NTM: variants seen among roughly 807,000 people sequenced by gnomAD.
The protein encoded by NTM is neurotrimin, also known as IgLON family member 2.
NTM carries 13 observed loss-of-function variants against 42.1 expected under a neutral mutation model. The ratio of observed to expected loss-of-function variants is 0.31; its 90% CI spans 0.20 to 0.49. The LOEUF (loss-of-function observed/expected upper bound fraction) is 0.49, where lower values mean the gene tolerates loss of function less well. Ranked by LOEUF, NTM falls within the 20% of genes least tolerant of loss-of-function variation. NTM has a pLI of 0.99. For missense variants in NTM, 373 were observed against 452.8 expected, an observed-to-expected ratio of 0.82 and a Z score of 1.60; for synonymous variants, 187 against 179.2, an observed-to-expected ratio of 1.04 and a Z score of -0.35.
At chr11:131,417,307 A>G (rs1207847639) in intron 1 of NTM, among the ~76,000 whole-genome samples, 1 of 152,184 alleles carries the variant, frequency 6.6e-6, no homozygotes, top group African/African-American at 2.4e-5. Context: ...ATAAAATACC[A>G]TGTTGGACTC....
intron 1 of NTM, among the ~76,000 whole-genome samples, chr11:131,386,370 A>G (rs1943316757): frequency 6.6e-6 from 1 of 152,242 alleles, no homozygotes; most frequent in South Asian, 2.1e-4. Flanking sequence ...AGTTCTGGAA[A>G]TGAATGGCAG....
intron 1 of NTM, among the ~76,000 whole-genome samples, chr11:131,863,213 G>A (rs1455782124): frequency 1.3e-5 from 2 of 152,194 alleles, no homozygotes; most frequent in East Asian, 3.9e-4. Flanking sequence ...GAAGAAAGGG[G>A]GAACTGGTGA....
At chr11:131,654,760 C>CT (rs2066964747) in intron 1 of NTM, among the ~76,000 whole-genome samples, 1 of 152,162 alleles carries the variant, frequency 6.6e-6, no homozygotes, top group Non-Finnish European at 1.5e-5. Context: ...CACCATGTGA[C>CT]ACACCCACTC....
chr11:131,851,040 C>T lies in NTM; in HGVS notation c.83-60524C>T, dbSNP rs936512400. Among the ~76,000 whole-genome samples the T allele has an allele frequency of 2.6e-5, 4 of 152,096 alleles. No individual in the cohort carries two copies. In the South Asian group the frequency reaches 6.2e-4, roughly 24 times the overall value. On this transcript the variant is annotated intron_variant, in intron 1 of 8. Transcript: ENST00000683400. Reference sequence around the variant, plus strand: ...CTGAGCTTGGGCCCTCCTGAGTGTCCACACCAAAGCTGAGTTGAGACTTGC... The same window carrying T: ...CTGAGCTTGGGCCCTCCTGAGTGTCTACACCAAAGCTGAGTTGAGACTTGC...
At chr11:132,055,701 AC>A in intron 2 of NTM, among the ~76,000 whole-genome samples, 1 of 149,142 alleles carries the variant, frequency 6.7e-6, no homozygotes, top group African/African-American at 2.5e-5. Context: ...GAGAGAGAGA[AC>A]CATCAAAGCA....
At chr11:131,716,381 T>C (rs1248312763) in intron 1 of NTM, among the ~76,000 whole-genome samples, 1 of 152,178 alleles carries the variant, frequency 6.6e-6, no homozygotes, top group Non-Finnish European at 1.5e-5. Flanking sequence ...TTCTTTTGAG[T>C]TACTACCTAG....
At chr11:131,952,231 C>A (rs1474074924) in intron 2 of NTM, among the ~76,000 whole-genome samples, 1 of 152,168 alleles carries the variant, frequency 6.6e-6, no homozygotes, top group African/African-American at 2.4e-5. Context: ...ACCCTTCACC[C>A]TTAATCTGAA....
At chr11:131,575,546 G>A (rs1449339425) in intron 1 of NTM, among the ~76,000 whole-genome samples, 1 of 152,154 alleles carries the variant, frequency 6.6e-6, no homozygotes, top group Non-Finnish European at 1.5e-5. Flanking sequence ...AATGAAATTA[G>A]GGTGTTTTCT....
rs187390817 is a variant in NTM, at chr11:131,678,509, G to A, written c.83-233055G>A. Among the ~76,000 whole-genome samples the A allele has an allele frequency of 1.3e-3, 192 of 152,342 alleles. 1 individual carries two copies. Among genetic ancestry groups the A allele is most frequent in the Non-Finnish European group, 2.1e-4 (14 of 68,034 alleles). The stretch of plus-strand genomic sequence containing the variant: ...AGAAAGAGGAGCATTTGAAACAGAT[G>A]CCCTTCCTCCTGTACTCCCTCTCCC... On this transcript the variant is annotated intron_variant, in intron 1 of 8. Coordinates refer to ENST00000683400, the MANE Select transcript of NTM (RefSeq NM_001352005.2).
intron 4 of NTM, among the ~76,000 whole-genome samples, chr11:132,269,139 T>C (rs2093359053): frequency 6.6e-6 from 1 of 152,066 alleles, no homozygotes; most frequent in African/African-American, 2.4e-5. Context: ...AGAAAGGGCA[T>C]GATATTGTTT....
intron 1 of NTM, among the ~76,000 whole-genome samples, chr11:131,560,190 T>C (rs571961071): frequency 2.3e-4 from 35 of 152,262 alleles, no homozygotes; most frequent in Non-Finnish European, 4.9e-4. Context: ...CAGAAGTGAC[T>C]CTCCCTATTC....
intron 1 of NTM, among the ~76,000 whole-genome samples, chr11:131,904,857 G>A (rs769169635): frequency 2.6e-5 from 4 of 152,098 alleles, no homozygotes; most frequent in Non-Finnish European, 4.4e-5. Context: ...GGAGCTGGGG[G>A]GCCACGGCTC....
intron 2 of NTM, among the ~76,000 whole-genome samples, chr11:132,015,488 G>A (rs1164961916): frequency 4.6e-5 from 7 of 151,820 alleles, no homozygotes; most frequent in African/African-American, 1.7e-4. Context: ...TGGGTAGTAT[G>A]GTGGTTTTAA....
At chr11:131,371,081 G>A (rs1941105276) in intron 1 of NTM, 193 bp downstream of exon 1, 1 of 985,236 alleles carries the variant, frequency 1.0e-6, no homozygotes, top group African/African-American at 1.7e-5. Context: ...GGCTGCTACC[G>A]GAATGGGGGA....
intron 2 of NTM, among the ~76,000 whole-genome samples, chr11:132,030,032 T>C (rs2075717347): frequency 6.6e-6 from 1 of 152,186 alleles, no homozygotes; most frequent in Non-Finnish European, 1.5e-5. Context: ...ATATTATTGT[T>C]TTGTCTTATT....
chr11:132,249,844 C>T (rs1379224684), intron 4 of NTM, among the ~76,000 whole-genome samples: 1 of 152,188 alleles, frequency 6.6e-6, no homozygotes, highest in African/African-American at 2.4e-5. Flanking sequence ...CAAGGATGTC[C>T]AAATAATTTT....
chr11:131,585,445 G>A (rs775534634), intron 1 of NTM, among the ~76,000 whole-genome samples: 1 of 152,176 alleles, frequency 6.6e-6, no homozygotes, highest in Non-Finnish European at 1.5e-5. Context: ...GGTTCCTGCA[G>A]GAAAGGAGGG....
chr11:131,753,398 A>C (rs1404626859), intron 1 of NTM, among the ~76,000 whole-genome samples: 40 of 99,232 alleles, frequency 4.0e-4, no homozygotes, highest in Admixed American at 3.3e-3. Flanking sequence ...TGGGTATATA[A>C]CCAAAAGGAC....
chr11:132,229,130 C>T (rs1471223505), intron 4 of NTM, among the ~76,000 whole-genome samples: 1 of 152,192 alleles, frequency 6.6e-6, no homozygotes, highest in East Asian at 1.9e-4. Flanking sequence ...TCCTCTTCAT[C>T]CTCTGCATAG....
Sources: gnomAD v4.1 joint callset for allele counts (sites outside exome capture counted in the v4.1 genomes callset) on GRCh38, gnomAD v4.1.1 for gene constraint, MANE v1.5 for transcripts, NCBI Gene and HGNC (gene_info 2026-07-23, HGNC 2026-07-21) for gene names.